C12orf42: variants seen among roughly 807,000 people sequenced by gnomAD.
The protein encoded by C12orf42 is uncharacterized protein C12orf42.
A neutral mutation model predicts 21.6 loss-of-function variants in C12orf42; 25 were observed. The ratio of observed to expected loss-of-function variants is 1.16; its 90% CI spans 0.84 to 1.62. C12orf42 has a LOEUF of 1.62. Among genes scored for constraint, C12orf42 ranks in the 40% most tolerant of loss-of-function variants. The pLI is 0.00. For synonymous variants in C12orf42, 174 were observed against 175.0 expected (o/e 0.99, Z 0.05); for missense variants, 483 against 459.3 (o/e 1.05, Z -0.47).
At chr12:103,481,975 T>C (rs1223457897) in intron 1 of C12orf42, among the ~76,000 whole-genome samples, 2 of 152,044 alleles carry the variant, frequency 1.3e-5, no homozygotes, top group African/African-American at 2.4e-5. Context: ...CTCTTGTAAA[T>C]AAAACAAGGT....
chr12:103,507,440 C>T, the C12orf42 span, among the ~76,000 whole-genome samples: 1 of 142,884 alleles, frequency 7.0e-6, no homozygotes, highest in Non-Finnish European at 1.5e-5. Flanking sequence ...GAGGCCAAGG[C>T]AGGAGGATGG....
chr12:103,377,131 G>A (rs1446860250), intron 3 of C12orf42, among the ~76,000 whole-genome samples: 1 of 151,950 alleles, frequency 6.6e-6, no homozygotes, highest in Non-Finnish European at 1.5e-5. Context: ...TTATTCCTGA[G>A]TATTTTGATC....
chr12:103,480,040 C>G (rs1204371571), intron 1 of C12orf42, among the ~76,000 whole-genome samples: 1 of 151,760 alleles, frequency 6.6e-6, no homozygotes, highest in African/African-American at 2.4e-5. Flanking sequence ...ATCTGAATAA[C>G]TATATTGGTA....
At chr12:103,433,626 CA>C (rs1284531150) in intron 2 of C12orf42, among the ~76,000 whole-genome samples, 1 of 152,106 alleles carries the variant, frequency 6.6e-6, no homozygotes, top group East Asian at 1.9e-4. Flanking sequence ...GGGACATTTA[CA>C]AAGAAATGAC....
chr12:103,236,692 A>T (rs960435947), downstream of C12orf42, among the ~76,000 whole-genome samples: 11 of 152,192 alleles, frequency 7.2e-5, no homozygotes, highest in Admixed American at 5.9e-4. Flanking sequence ...GTCATTAATG[A>T]GAATTAGCAA....
chr12:103,321,455 G>C (rs2040111178), intron 4 of C12orf42, among the ~76,000 whole-genome samples: 13 of 142,470 alleles, frequency 9.1e-5, no homozygotes, highest in Non-Finnish European at 1.1e-4. Context: ...AAGTCAGTGT[G>C]GCGATTCCTC....
chr12:103,424,316 A>G (rs1949619934), intron 2 of C12orf42, among the ~76,000 whole-genome samples: 1 of 152,244 alleles, frequency 6.6e-6, no homozygotes, highest in Non-Finnish European at 1.5e-5. Context: ...GTCTTCATTC[A>G]TTTGTGATGA....
chr12:103,297,038 A>G (rs1165900333), downstream of C12orf42, among the ~76,000 whole-genome samples: 2 of 152,184 alleles, frequency 1.3e-5, no homozygotes, highest in African/African-American at 4.8e-5. Flanking sequence ...ATTTTTGTAT[A>G]AGGTGTAAGG....
the C12orf42 span, among the ~76,000 whole-genome samples, chr12:103,148,816 C>T: frequency 6.6e-6 from 1 of 152,110 alleles, no homozygotes; most frequent in Non-Finnish European, 1.5e-5. Context: ...AAAAATCATG[C>T]TCAATCTTGA....
chr12:103,164,356 T>C, the C12orf42 span: 8 of 454,702 alleles, frequency 1.8e-5, no homozygotes, highest in East Asian at 1.4e-4. Context: ...TCCCCTTTCA[T>C]AGAAATTATA....
At chr12:103,455,948 C>A (rs1267594189) in intron 2 of C12orf42, among the ~76,000 whole-genome samples, 1 of 151,998 alleles carries the variant, frequency 6.6e-6, no homozygotes, top group Non-Finnish European at 1.5e-5. Flanking sequence ...TGCTTGAGTT[C>A]CATGACACAG....
the C12orf42 span, among the ~76,000 whole-genome samples, chr12:103,205,695 G>A: frequency 6.6e-6 from 1 of 152,052 alleles, no homozygotes; most frequent in Non-Finnish European, 1.5e-5. Flanking sequence ...GCAGAATTAT[G>A]TATACAGCCA....
At chr12:103,502,817 T>C in the C12orf42 span, among the ~76,000 whole-genome samples, 23,838 of 152,102 alleles carry the variant, frequency 0.16, 2,355 homozygotes, top group African/African-American at 0.27. Flanking sequence ...TTAGGAACCC[T>C]CAGTCTGTGG....
chr12:103,531,831 A>G, the C12orf42 span, among the ~76,000 whole-genome samples: 1 of 152,216 alleles, frequency 6.6e-6, no homozygotes, highest in African/African-American at 2.4e-5. Flanking sequence ...CTAAAAGGGC[A>G]TGCTGGTTCT....
the C12orf42 span, among the ~76,000 whole-genome samples, chr12:103,115,963 G>A: frequency 3.9e-5 from 6 of 152,194 alleles, no homozygotes; most frequent in African/African-American, 1.4e-4. Context: ...ACAATGGATC[G>A]ATATGTGAAC....
chr12:103,512,204 G>A, the C12orf42 span, among the ~76,000 whole-genome samples: 1 of 152,102 alleles, frequency 6.6e-6, no homozygotes, highest in Non-Finnish European at 1.5e-5. Context: ...TATGTGCACA[G>A]AAAGACAACT....
chr12:103,187,401 C>T, the C12orf42 span, among the ~76,000 whole-genome samples: 1 of 152,168 alleles, frequency 6.6e-6, no homozygotes, highest in Non-Finnish European at 1.5e-5. Context: ...CAAATACAGG[C>T]TGTCTGGCCC....
chr12:103,217,440 G>T, the C12orf42 span, among the ~76,000 whole-genome samples: 3 of 150,704 alleles, frequency 2.0e-5, no homozygotes, highest in Non-Finnish European at 4.4e-5. Context: ...GAGGCAGGAG[G>T]ATCCCTTGAG....
the C12orf42 span, among the ~76,000 whole-genome samples, chr12:103,068,979 A>G: frequency 3.0e-4 from 32 of 107,384 alleles, 1 homozygote; most frequent in Non-Finnish European, 5.6e-4. Context: ...ATATATATAT[A>G]TATATATATA....
Sources: allele counts gnomAD v4.1 joint callset (sites outside exome capture counted in the v4.1 genomes callset), GRCh38; gene constraint gnomAD v4.1.1; transcripts MANE v1.5; gene names NCBI Gene and HGNC (gene_info 2026-07-23, HGNC 2026-07-21).